PI4K2A: variants seen among roughly 807,000 people sequenced by gnomAD.
PI4K2A encodes the protein phosphatidylinositol 4-kinase type 2 alpha, also known as phosphatidylinositol 4-kinase type 2-alpha.
In PI4K2A, 20 loss-of-function variants were observed where a neutral mutation model predicts 55.0. The ratio of observed to expected loss-of-function variants is 0.36; its 90% CI spans 0.26 to 0.53. The LOEUF is 0.53. Ranked by LOEUF, PI4K2A falls within the 20% of genes least tolerant of loss-of-function variation. The probability of loss-of-function intolerance (pLI) is 0.91; values close to 1 mark genes in which losing one functional copy is unlikely to be tolerated. For synonymous variants in PI4K2A, 235 were observed against 258.5 expected, an observed-to-expected ratio of 0.91 and a Z score of 0.87; for missense variants, 463 against 637.1, an observed-to-expected ratio of 0.73 and a Z score of 2.94.
chr10:97,675,045 C>T (rs2041655761), exon 9 of PI4K2A: 1 of 152,864 alleles, frequency 6.5e-6, no homozygotes, highest in Non-Finnish European at 1.5e-5. Flanking sequence ...TACACCAAAG[C>T]AAAGTACGGC....
intron 1 of PI4K2A, among the ~76,000 whole-genome samples, chr10:97,644,312 C>T (rs1390156102): frequency 1.3e-5 from 2 of 152,150 alleles, no homozygotes; most frequent in African/African-American, 4.8e-5. Flanking sequence ...GATCGTACCA[C>T]TGCACTCCAG....
At chr10:97,642,692 G>A (rs1225004639) in intron 1 of PI4K2A, among the ~76,000 whole-genome samples, 1 of 151,816 alleles carries the variant, frequency 6.6e-6, no homozygotes, top group Non-Finnish European at 1.5e-5. Flanking sequence ...CGGCCTCCAA[G>A]TTTCTTAAAT....
exon 1 of PI4K2A, chr10:97,641,110 G>T: frequency 6.2e-7 from 1 of 1,609,384 alleles, no homozygotes; most frequent in Non-Finnish European, 8.5e-7. Flanking sequence ...GCCATCGAGC[G>T]CTGCATCTTT....
exon 1 of PI4K2A, chr10:97,640,870 G>A: frequency 7.6e-7 from 1 of 1,314,036 alleles, no homozygotes; most frequent in Non-Finnish European, 9.7e-7. Context: ...GCGGCGGCCG[G>A]CTCGGGCCCC....
chr10:97,656,265 T>G lies in PI4K2A; in HGVS notation c.637-20T>G. 1.2e-6 allele frequency: 2 copies of G among 1,607,552 alleles called. No homozygotes were observed. The highest frequency in any genetic ancestry group is 1.7e-6 in the Non-Finnish European group (2 of 1,174,406). The stretch of plus-strand genomic sequence containing the variant: ...CTTAAACTTGACTCTAACCTTAGTA[T>G]CTCTTCTCTTTCACTGTAGGTAGTA... On this transcript the variant is annotated intron_variant, in intron 2 of 8. Coordinates refer to ENST00000370631, the Ensembl canonical transcript of PI4K2A. This position sits in a 1 kb window ranked among gnomAD's most constrained non-coding sequence, Gnocchi z 4.5.
At position 97,661,137 on chromosome 10, in the gene PI4K2A, G is replaced by T. The variant is rs1190699477; in HGVS notation, c.923-1770G>T. Among the ~76,000 whole-genome samples, 3 of 151,912 alleles carry T rather than the reference G, an allele frequency of 2.0e-5. No homozygotes were observed. The East Asian group carries it at 5.8e-4, about 29-fold the overall frequency. On this transcript the variant is annotated intron_variant, in intron 4 of 8. Coordinates refer to ENST00000370631, the Ensembl canonical transcript of PI4K2A. ...CTCCCGAGTAGCTGGGACTACAGGC[G>T]CCCGCCACCACACCCGGCTAATTTT...
chr10:97,664,879 C>T lies in PI4K2A; in HGVS notation c.985-6C>T. Reference sequence around the variant, plus strand: ...CCTCAGTCATTAGTCTTTCCTTGCTCTTCAGGACACAGACTGGGTGGTGGT... The same window carrying T: ...CCTCAGTCATTAGTCTTTCCTTGCTTTTCAGGACACAGACTGGGTGGTGGT... On this transcript the variant is annotated splice_polypyrimidine_tract_variant and splice_region_variant and intron_variant, in intron 5 of 8. Coordinates refer to ENST00000370631, the Ensembl canonical transcript of PI4K2A. The T allele has an allele frequency of 6.2e-7, 1 of 1,608,922 alleles. No individual in the cohort carries two copies. Among genetic ancestry groups the T allele is most frequent in the Non-Finnish European group, 8.5e-7 (1 of 1,175,308 alleles).
At chr10:97,646,711 C>T (rs1198855716) in intron 1 of PI4K2A, among the ~76,000 whole-genome samples, 2 of 151,964 alleles carry the variant, frequency 1.3e-5, no homozygotes, top group East Asian at 3.8e-4. Context: ...AGCATGACAC[C>T]CTCCTCCTTG....
Position 97,670,946 on chromosome 10 carries a change from T to C in PI4K2A, c.1279-2635T>C, listed in dbSNP as rs535190392. On this transcript the variant is annotated intron_variant, in intron 8 of 8. Coordinates refer to ENST00000370631, the Ensembl canonical transcript of PI4K2A. ...TGAGGTTGGGAGTTCGAGACCAGAC[T>C]GACCAGCATGGAGAAACCCCATCTC... 7.2e-5 allele frequency among the ~76,000 whole-genome samples: 11 copies of C among 152,192 alleles called. No individual in the cohort carries two copies. In the South Asian group the frequency reaches 2.3e-3, roughly 32 times the overall value.
chr10:97,665,839 C>T (rs1468877379), intron 6 of PI4K2A, among the ~76,000 whole-genome samples: 1 of 152,144 alleles, frequency 6.6e-6, no homozygotes, highest in Non-Finnish European at 1.5e-5. Flanking sequence ...GATCCACCCG[C>T]CTTGGCCTCC....
intron 5 of PI4K2A, among the ~76,000 whole-genome samples, 192 bp downstream of exon 5, chr10:97,663,160 A>C (rs1449726660): frequency 6.6e-6 from 1 of 152,262 alleles, no homozygotes; most frequent in African/African-American, 2.4e-5. Context: ...GACACATGTT[A>C]ATAGGAATAG....
intron 5 of PI4K2A, 83 bp downstream of exon 5, chr10:97,663,051 C>A: frequency 1.1e-6 from 1 of 914,720 alleles, no homozygotes; most frequent in South Asian, 1.3e-5. Flanking sequence ...AGATGTAGTT[C>A]ATACAAGTTC....
rs1012175242 is a variant in PI4K2A, at chr10:97,650,794, T to A, written c.436-147T>A. On this transcript the variant is annotated intron_variant, in intron 1 of 8. Coordinates refer to ENST00000370631, the Ensembl canonical transcript of PI4K2A. ...CACACACGAGCTGGTGTCTTCCCCTTACCAACTGGGAGAAACCTGAGTCCA... is the reference window on the plus strand; with the variant it reads ...CACACACGAGCTGGTGTCTTCCCCTAACCAACTGGGAGAAACCTGAGTCCA... The A allele has an allele frequency of 9.5e-6, 6 of 630,208 alleles. No individual in the cohort carries two copies. In the African/African-American group the frequency reaches 1.1e-4, roughly 12 times the overall value. The allele number at this position is 630,208 out of a possible 1,614,324, so 39.0% of individuals were successfully genotyped here.
chr10:97,666,673 C>A, intron 7 of PI4K2A, 102 bp downstream of exon 7: 1 of 1,006,328 alleles, frequency 9.9e-7, no homozygotes. Flanking sequence ...TGGCTAACAC[C>A]TTTCTGACTT....
At chr10:97,665,543 G>A (rs2041605595) in intron 6 of PI4K2A, among the ~76,000 whole-genome samples, 2 of 152,074 alleles carry the variant, frequency 1.3e-5, no homozygotes, top group African/African-American at 2.4e-5. Flanking sequence ...CAAAATGCTG[G>A]GATTACAGGT....
Position 97,656,435 on chromosome 10 carries a change from C to G in PI4K2A, c.768+19C>G. On this transcript the variant is annotated intron_variant, in intron 3 of 8. Coordinates refer to ENST00000370631, the Ensembl canonical transcript of PI4K2A. The surrounding 1 kb of genome is among the most constrained non-coding windows in gnomAD (Gnocchi z 4.5). ...ACCAAAGGTATAGACGCACCTCTGG[C>G]TTATCAAGGGTCATGATTTATAGTG... 6.2e-7 allele frequency: 1 copy of G among 1,611,608 alleles called. No homozygotes were observed. The highest frequency in any genetic ancestry group is 8.5e-7 in the Non-Finnish European group (1 of 1,178,218).
At chr10:97,644,770 G>A (rs1440848380) in intron 1 of PI4K2A, among the ~76,000 whole-genome samples, 1 of 152,218 alleles carries the variant, frequency 6.6e-6, no homozygotes, top group Non-Finnish European at 1.5e-5. Flanking sequence ...CTTAGCTGTA[G>A]TAGTGGCTGG....
At chr10:97,666,601 C>G in intron 7 of PI4K2A, 30 bp downstream of exon 7, 1 of 1,563,022 alleles carries the variant, frequency 6.4e-7, no homozygotes, top group Non-Finnish European at 8.7e-7. Flanking sequence ...GCCCTATTAT[C>G]ATATGGGAGA....
At chr10:97,664,858 A>C in intron 5 of PI4K2A, 27 bp from the exon 6 acceptor site, 1 of 1,518,430 alleles carries the variant, frequency 6.6e-7, no homozygotes. Flanking sequence ...GGGTTTCCTC[A>C]GTCATTAGTC....
Sources: gnomAD v4.1 joint callset for allele counts (sites outside exome capture counted in the v4.1 genomes callset) on GRCh38, gnomAD v4.1.1 for gene constraint, Gnocchi (gnomAD v3.1) non-coding constraint, MANE v1.5 for transcripts, NCBI Gene and HGNC (gene_info 2026-07-23, HGNC 2026-07-21) for gene names.